ABLIM1: variants seen among roughly 807,000 people sequenced by gnomAD.
ABLIM1 encodes actin-binding LIM protein 1.
A neutral mutation model predicts 107.0 loss-of-function variants in ABLIM1; 40 were observed. The ratio of observed to expected loss-of-function variants is 0.37; its 90% CI spans 0.29 to 0.49. The LOEUF is 0.49. ABLIM1 is among the 20% of genes least tolerant of loss of function. The pLI, the probability that ABLIM1 is intolerant of heterozygous loss-of-function variation, is 0.97. For synonymous variants in ABLIM1, 357 were observed against 357.3 expected (o/e 1.00, Z 0.01); for missense variants, 857 against 1,008.5 (o/e 0.85, Z 2.04).
intron 6 of ABLIM1, among the ~76,000 whole-genome samples, chr10:114,517,433 A>T (rs1329202335): frequency 6.6e-6 from 1 of 152,140 alleles, no homozygotes; most frequent in Admixed American, 6.5e-5. Flanking sequence ...CAGACCCTCC[A>T]GCAGAGCCCC....
chr10:114,558,125 C>T (rs1322624556), intron 4 of ABLIM1, among the ~76,000 whole-genome samples: 2 of 152,110 alleles, frequency 1.3e-5, no homozygotes, highest in Non-Finnish European at 1.5e-5. Flanking sequence ...CAGCGAGCAG[C>T]GGGACCCAGA....
chr10:114,526,523 G>T, intron 6 of ABLIM1: 2 of 544,340 alleles, frequency 3.7e-6, no homozygotes, highest in Non-Finnish European at 4.7e-6. Flanking sequence ...GGCAATAAAA[G>T]TGACTTCTGT....
intron 1 of ABLIM1, among the ~76,000 whole-genome samples, chr10:114,726,568 G>A (rs555955835): frequency 7.4e-6 from 1 of 135,204 alleles, no homozygotes; most frequent in Non-Finnish European, 1.7e-5. Flanking sequence ...ATCACCTGAG[G>A]TCAGGAGTCC....
At chr10:114,689,241 A>G (rs1038060371), upstream of ABLIM1, among the ~76,000 whole-genome samples, 1 of 152,158 alleles carries the variant, frequency 6.6e-6, no homozygotes, top group Non-Finnish European at 1.5e-5. Flanking sequence ...CAGCTCACCA[A>G]TGATCCTAGG....
chr10:114,655,447 C>G (rs2141157433), intron 1 of ABLIM1, among the ~76,000 whole-genome samples: 1 of 152,334 alleles, frequency 6.6e-6, no homozygotes, highest in East Asian at 1.9e-4. Context: ...TTATCTCTTT[C>G]AAGAGCAACA....
chr10:114,769,490 A>G (rs1296358738), upstream of ABLIM1, among the ~76,000 whole-genome samples: 54 of 148,436 alleles, frequency 3.6e-4, no homozygotes, highest in South Asian at 8.6e-4. Flanking sequence ...AGAAAGAAAG[A>G]AAGGGAAGGA....
At chr10:114,519,438 T>C (rs2063397666) in intron 6 of ABLIM1, among the ~76,000 whole-genome samples, 1 of 152,136 alleles carries the variant, frequency 6.6e-6, no homozygotes, top group African/African-American at 2.4e-5. Flanking sequence ...GCCCAGCACA[T>C]GTTGGGTGTG....
At chr10:114,517,160 C>G (rs11196774) in intron 6 of ABLIM1, among the ~76,000 whole-genome samples, 35 of 152,114 alleles carry the variant, frequency 2.3e-4, no homozygotes, top group Non-Finnish European at 3.5e-4. Flanking sequence ...CTGTGGTCCC[C>G]CAAAGATATG....
intron 1 of ABLIM1, among the ~76,000 whole-genome samples, chr10:114,741,265 G>A (rs1390955461): frequency 1.2e-4 from 12 of 100,972 alleles, no homozygotes; most frequent in Admixed American, 3.0e-4. Flanking sequence ...TCGCTTTGTC[G>A]CCCAGGCTGG....
rs1357965017 is a variant in ABLIM1, at chr10:114,436,321, T to A, written c.2276A>T (p.Glu759Val). 6.2e-7 allele frequency: 1 copy of A among 1,613,772 alleles called. No homozygotes were observed. The highest frequency in any genetic ancestry group is 8.5e-7 in the Non-Finnish European group (1 of 1,179,958). The change falls in exon 23 of 23, where the codon GAG (glutamate) becomes GTG (valine). Residue 759 changes from glutamate to valine, a missense_variant. By Grantham distance (121) the Glu-to-Val change is moderately radical. Transcript: ENST00000533213. ...FREIFGMSIQ[E>V]FDRLPLWRRN... ...TCTCCAAAGAGGTAACCTGTCAAAC[T>A]CCTGTATGGACATTCCAAAGATTTC...
At chr10:114,437,480 C>T (rs978421274) in intron 22 of ABLIM1, among the ~76,000 whole-genome samples, 1 of 150,604 alleles carries the variant, frequency 6.6e-6, no homozygotes, top group African/African-American at 2.5e-5. Context: ...CACCATGCCC[C>T]GTGAATTTTT....
chr10:114,441,989 A>G (rs912209011), intron 17 of ABLIM1, among the ~76,000 whole-genome samples: 2 of 152,170 alleles, frequency 1.3e-5, no homozygotes, highest in African/African-American at 4.8e-5. Context: ...AGGGAAAGTC[A>G]AGTCCACGCG....
intron 8 of ABLIM1, among the ~76,000 whole-genome samples, chr10:114,477,479 C>T (rs1028110400): frequency 5.3e-5 from 8 of 152,192 alleles, no homozygotes; most frequent in African/African-American, 1.9e-4. Flanking sequence ...TCGTATGTTA[C>T]TCATCCTTAT....
intron 1 of ABLIM1, among the ~76,000 whole-genome samples, chr10:114,730,893 A>C (rs908093789): frequency 6.6e-6 from 1 of 152,086 alleles, no homozygotes; most frequent in African/African-American, 2.4e-5. Context: ...TGGATATTTC[A>C]TGTAAATAGA....
At chr10:114,767,628 A>G (rs2082929864) in intron 1 of ABLIM1, among the ~76,000 whole-genome samples, 1 of 149,366 alleles carries the variant, frequency 6.7e-6, no homozygotes, top group Non-Finnish European at 1.5e-5. Context: ...TTTTTTTTTT[A>G]ATGGGGTGTA....
chr10:114,707,668 G>C lies in ABLIM1; in HGVS notation c.-213+60393C>G, dbSNP rs2081451255. Among the ~76,000 whole-genome samples the C allele has an allele frequency of 6.6e-6, 1 of 152,122 alleles. No individual in the cohort carries two copies. The highest frequency in any genetic ancestry group is 6.5e-5 in the Admixed American group (1 of 15,278). On this transcript the variant is annotated intron_variant, in intron 1 of 15. Coordinates refer to the ABLIM1 transcript ENST00000651092. The surrounding 1 kb of genome is among the most constrained non-coding windows in gnomAD (Gnocchi z 4.1). ...TAATCCCAACACTTTGGGAGGCCGT[G>C]GTGGGCGGATCACTTAAGGCCAGGA...
At chr10:114,664,736 G>A (rs1307275674) in intron 1 of ABLIM1, among the ~76,000 whole-genome samples, 1 of 150,670 alleles carries the variant, frequency 6.6e-6, no homozygotes. Context: ...TAGAGATGGG[G>A]TTTCACCATG....
At chr10:114,714,286 G>A (rs575709675) in intron 1 of ABLIM1, among the ~76,000 whole-genome samples, 2 of 152,288 alleles carry the variant, frequency 1.3e-5, no homozygotes, top group South Asian at 4.2e-4. Flanking sequence ...GTTCACAGAG[G>A]TTAAGTGACC....
At chr10:114,572,860 G>A (rs923514831) in intron 3 of ABLIM1, among the ~76,000 whole-genome samples, 4 of 152,182 alleles carry the variant, frequency 2.6e-5, no homozygotes, top group African/African-American at 7.2e-5. Flanking sequence ...CAGACACAGC[G>A]TTTAAAGAGG....
Sources: gnomAD v4.1 joint callset for allele counts (sites outside exome capture counted in the v4.1 genomes callset) on GRCh38, gnomAD v4.1.1 for gene constraint, Gnocchi (gnomAD v3.1) non-coding constraint, MANE v1.5 for transcripts, NCBI Gene and HGNC (gene_info 2026-07-23, HGNC 2026-07-21) for gene names.